The following RGMA variants were observed in gnomAD, a reference collection of about 807,000 sequenced individuals.
RGMA encodes the protein repulsive guidance molecule A.
In RGMA, 10 loss-of-function variants were observed where a neutral mutation model predicts 23.2. That is an observed-to-expected ratio of 0.43 (90% CI 0.27 to 0.73). The LOEUF (loss-of-function observed/expected upper bound fraction) is 0.73. Among genes scored for constraint, RGMA ranks in the 30% least tolerant of loss-of-function variants. The pLI is 0.20. For synonymous variants in RGMA, 308 were observed against 279.3 expected (o/e 1.10, Z -1.03); for missense variants, 547 against 630.5 (o/e 0.87, Z 1.42).
chr15:93,060,776 G>A (rs1032961242), intron 2 of RGMA, among the ~76,000 whole-genome samples: 4 of 152,196 alleles, frequency 2.6e-5, no homozygotes, highest in African/African-American at 9.7e-5. Flanking sequence ...TATGCAGCAG[G>A]ACATCTCCCT....
chr15:93,051,874 CCG>C, intron 3 of RGMA, 117 bp downstream of exon 3: 1 of 1,101,308 alleles, frequency 9.1e-7, no homozygotes, highest in Non-Finnish European at 1.3e-6. Context: ...TCCTGTGTCC[CCG>C]CTCCGCTCCG....
At chr15:93,086,002 A>G (rs1431408842) in intron 1 of RGMA, among the ~76,000 whole-genome samples, 3 of 152,248 alleles carry the variant, frequency 2.0e-5, no homozygotes, top group African/African-American at 7.2e-5. Context: ...CTAAGAGAAG[A>G]GAGGCTGAAA....
rs948941339 is a variant in RGMA, at chr15:93,035,902, A to T, written c.*9096T>A. The T allele has an allele frequency of 6.6e-6, 1 of 152,244 alleles. No individual in the cohort carries two copies. The highest frequency in any genetic ancestry group is 1.5e-5 in the Non-Finnish European group (1 of 68,072). The allele number at this position is 152,244 out of a possible 1,614,324, so 9.4% of individuals were successfully genotyped here. On this transcript the variant is annotated 3_prime_UTR_variant, in exon 4 of 4. Transcript: ENST00000329082. ...TGATAGCTAGGGCAGTGAGGCTCAG[A>T]CACAGCCTGTGGCTTAAGATGAGGG... is the stretch of plus-strand genomic sequence containing the variant.
intron 2 of RGMA, chr15:93,065,955 T>C (rs1164825815): frequency 3.7e-5 from 32 of 854,900 alleles, no homozygotes; most frequent in Non-Finnish European, 5.1e-5. Context: ...AGAAGAAGGG[T>C]GGGGGGCGCC....
rs1440476576 is a variant in RGMA at position 93,040,742 on chromosome 15, C to T, written c.*4256G>A. 3.9e-5 allele frequency: 6 copies of T among 152,356 alleles called. No homozygotes were observed. Among genetic ancestry groups the T allele is most frequent in the African/African-American group, 1.2e-4 (5 of 41,444 alleles). 9.4% of individuals were successfully genotyped at this position (152,356 alleles called of 1,614,324 possible). A position where few individuals can be genotyped will look rare whatever the true frequency, so the allele number is the denominator to read the frequency against. On this transcript the variant is annotated 3_prime_UTR_variant, in exon 4 of 4. Transcript: ENST00000329082. ...TCTGGGTCATTGCGGTAGCCCCTCA[C>T]ACCCCCCTGAACAATGCTGGGTAGA...
intron 2 of RGMA, among the ~76,000 whole-genome samples, chr15:93,057,159 G>T (rs2055027655): frequency 6.6e-6 from 1 of 152,188 alleles, no homozygotes; most frequent in East Asian, 1.9e-4. Context: ...ATCAGTCAAT[G>T]GTCATGACTG....
In RGMA at chr15:93,089,085, C is replaced by A; in HGVS notation, c.-153G>T. On this transcript the variant is annotated 5_prime_UTR_variant, in exon 1 of 4. Coordinates refer to ENST00000329082, the MANE Select transcript of RGMA (RefSeq NM_020211.3). Reference sequence around the variant, plus strand: ...GCCGGCTCAGCAGCGGCCCGGGGAGCGCCTCCTGCTCCCGGGCTGCATGCC... The same window carrying A: ...GCCGGCTCAGCAGCGGCCCGGGGAGAGCCTCCTGCTCCCGGGCTGCATGCC... 1 of 392,150 alleles carries A rather than the reference C, an allele frequency of 2.6e-6. No homozygotes were observed. The highest frequency in any genetic ancestry group is 4.4e-6 in the Non-Finnish European group (1 of 227,282). 24.3% of individuals were successfully genotyped at this position (392,150 alleles called of 1,614,324 possible). A position where few individuals can be genotyped will look rare whatever the true frequency, so the allele number is the denominator to read the frequency against.
intron 2 of RGMA, among the ~76,000 whole-genome samples, chr15:93,061,899 G>A (rs1195690297): frequency 6.6e-6 from 1 of 152,172 alleles, no homozygotes; most frequent in Admixed American, 6.6e-5. Context: ...GCACGAGGGG[G>A]TGTGAAGGAT....
chr15:93,084,275 A>G (rs1895602762), intron 1 of RGMA, among the ~76,000 whole-genome samples: 1 of 152,224 alleles, frequency 6.6e-6, no homozygotes, highest in African/African-American at 2.4e-5. Context: ...AGAGGAACCC[A>G]GCATTTGCCC....
At chr15:93,080,887 AT>A (rs1895548814) in intron 1 of RGMA, among the ~76,000 whole-genome samples, 1 of 151,868 alleles carries the variant, frequency 6.6e-6, no homozygotes, top group South Asian at 2.1e-4. Flanking sequence ...CACTTTCTTA[AT>A]GAAAGTCTCC....
intron 2 of RGMA, among the ~76,000 whole-genome samples, 165 bp downstream of exon 2, chr15:93,072,751 C>T (rs943562426): frequency 2.6e-5 from 4 of 152,148 alleles, no homozygotes; most frequent in African/African-American, 4.8e-5. Context: ...GCAGGCATCG[C>T]ACCCACGACG....
chr15:93,056,334 C>T (rs1373968334), intron 2 of RGMA, among the ~76,000 whole-genome samples: 4 of 152,166 alleles, frequency 2.6e-5, no homozygotes, highest in African/African-American at 9.7e-5. Flanking sequence ...AGGCAGACAG[C>T]GCCCCCAGGA....
At position 93,052,335 on chromosome 15, in the gene RGMA, C is replaced by T. The variant is rs767489275; in HGVS notation, c.303G>A (p.Ser101=). 1.4e-5 allele frequency: 22 copies of T among 1,602,378 alleles called. No homozygotes were observed. Among genetic ancestry groups the T allele is most frequent in the South Asian group, 5.5e-5 (5 of 90,996 alleles). The change falls in exon 3 of 4, where the codon TCG becomes TCA. Residue 101 remains serine (S), a synonymous_variant. Coordinates refer to ENST00000329082, the MANE Select transcript of RGMA (RefSeq NM_020211.3). ...RTCRGDLAYH[S]AVHGIEDLMS... is the part of the protein sequence containing the mutation. Reference sequence around the variant, plus strand: ...TGAGGTCCTCTATGCCATGGACGGCCGAGTGGTAGGCCAGGTCACCCCGGC... The same window carrying T: ...TGAGGTCCTCTATGCCATGGACGGCTGAGTGGTAGGCCAGGTCACCCCGGC...
chr15:93,046,476 G>GA (rs1469121304), intron 3 of RGMA, among the ~76,000 whole-genome samples: 1 of 152,152 alleles, frequency 6.6e-6, no homozygotes, highest in Admixed American at 6.5e-5. Flanking sequence ...GAACCACTCA[G>GA]TTTATGCTAA....
At position 93,040,737 on chromosome 15, in the gene RGMA, C is replaced by T. The variant is rs1391985584; in HGVS notation, c.*4261G>A. 1 of 152,318 alleles carries T rather than the reference C, an allele frequency of 6.6e-6. No individual in the cohort carries two copies. Among genetic ancestry groups the T allele is most frequent in the Non-Finnish European group, 1.5e-5 (1 of 68,194 alleles). The allele number at this position is 152,318 out of a possible 1,614,324, so 9.4% of individuals were successfully genotyped here. A position where few individuals can be genotyped will look rare whatever the true frequency, so the allele number is the denominator to read the frequency against. ...GTCTGTCTGGGTCATTGCGGTAGCC[C>T]CTCACACCCCCCTGAACAATGCTGG... On this transcript the variant is annotated 3_prime_UTR_variant, in exon 4 of 4. Transcript: ENST00000329082.
intron 2 of RGMA, 99 bp from the exon 3 acceptor site, chr15:93,052,606 T>C: frequency 7.5e-7 from 1 of 1,325,000 alleles, no homozygotes; most frequent in Non-Finnish European, 1.0e-6. Flanking sequence ...CATCGCCTCA[T>C]CTAGGGCAGA....
rs1426340687 is a variant in RGMA, at chr15:93,089,063, G to T, written c.-131C>A. On this transcript the variant is annotated 5_prime_UTR_variant, in exon 1 of 4. Transcript: ENST00000329082. ...GGCGCTGGTCCCCGCCGCCCCGGCCGGCTCAGCAGCGGCCCGGGGAGCGCC... is the reference window on the plus strand; with the variant it reads ...GGCGCTGGTCCCCGCCGCCCCGGCCTGCTCAGCAGCGGCCCGGGGAGCGCC... The T allele has an allele frequency of 2.1e-6, 1 of 478,040 alleles. No individual in the cohort carries two copies. The highest frequency in any genetic ancestry group is 3.4e-6 in the Non-Finnish European group (1 of 298,192). 29.6% of individuals were successfully genotyped at this position (478,040 alleles called of 1,614,324 possible). A position where few individuals can be genotyped will look rare whatever the true frequency, so the allele number is the denominator to read the frequency against.
chr15:93,051,474 C>T (rs2054917731), intron 3 of RGMA, among the ~76,000 whole-genome samples: 1 of 152,234 alleles, frequency 6.6e-6, no homozygotes, highest in African/African-American at 2.4e-5. Context: ...AGGACATCCT[C>T]CCCAAAAGCA....
intron 2 of RGMA, among the ~76,000 whole-genome samples, chr15:93,063,306 G>A (rs1895031551): frequency 6.6e-6 from 1 of 152,258 alleles, no homozygotes; most frequent in African/African-American, 2.4e-5. Context: ...GGAGGTGGAG[G>A]AGGGAGCACT....
Sources: allele counts gnomAD v4.1 joint callset (sites outside exome capture counted in the v4.1 genomes callset), GRCh38; gene constraint gnomAD v4.1.1; transcripts MANE v1.5; gene names NCBI Gene and HGNC (gene_info 2026-07-23, HGNC 2026-07-21).